The following KLC1 variants were observed in gnomAD, a reference collection of about 807,000 sequenced individuals.
KLC1 encodes kinesin 2 60/70kDa.
In KLC1, 30 loss-of-function variants were observed where a neutral mutation model predicts 84.2. That is an observed-to-expected ratio of 0.36 (90% CI 0.27 to 0.48). KLC1 has a LOEUF of 0.48. KLC1 is among the 20% of genes least tolerant of loss of function. The probability of loss-of-function intolerance (pLI) is 0.99; values close to 1 mark genes in which losing one functional copy is unlikely to be tolerated. For missense variants in KLC1, 499 were observed against 805.4 expected (o/e 0.62, Z 4.60); for synonymous variants, 289 against 293.3 (o/e 0.99, Z 0.15).
chr14:103,640,510 G>C (rs1239407067), intron 1 of KLC1, among the ~76,000 whole-genome samples: 1 of 152,000 alleles, frequency 6.6e-6, no homozygotes, highest in Non-Finnish European at 1.5e-5. Flanking sequence ...ACAGGCGCCC[G>C]CCACCACGCC....
intron 13 of KLC1, among the ~76,000 whole-genome samples, chr14:103,680,422 G>A (rs748141890): frequency 2.0e-5 from 3 of 152,142 alleles, no homozygotes; most frequent in Non-Finnish European, 4.4e-5. Context: ...TAATTCTACA[G>A]ATGTTCTGCC....
At chr14:103,664,023 C>T (rs4900587) in intron 5 of KLC1, among the ~76,000 whole-genome samples, 34,148 of 152,094 alleles carry the variant, frequency 0.22, 4,206 homozygotes, top group East Asian at 0.49. Context: ...AAAATGAGGC[C>T]GTTCCCTTTG....
At chr14:103,656,137 C>T (rs543144546) in intron 2 of KLC1, among the ~76,000 whole-genome samples, 1 of 152,142 alleles carries the variant, frequency 6.6e-6, no homozygotes, top group Non-Finnish European at 1.5e-5. Context: ...GGACGTGCCT[C>T]CTTCCTTGAA....
At chr14:103,682,151 A>C (rs962465686) in intron 13 of KLC1, among the ~76,000 whole-genome samples, 1 of 152,062 alleles carries the variant, frequency 6.6e-6, no homozygotes, top group Non-Finnish European at 1.5e-5. Flanking sequence ...CGGGCAGATC[A>C]CGAGGTCAGG....
chr14:103,642,044 C>T (rs2077532444), intron 1 of KLC1, among the ~76,000 whole-genome samples: 1 of 152,128 alleles, frequency 6.6e-6, no homozygotes, highest in Non-Finnish European at 1.5e-5. Context: ...TATTCTCCTG[C>T]CTCAGCCTCC....
chr14:103,649,655 A>G (rs1472960756), intron 1 of KLC1, among the ~76,000 whole-genome samples: 1 of 151,328 alleles, frequency 6.6e-6, no homozygotes, highest in African/African-American at 2.4e-5. Context: ...CCTGTTGAAC[A>G]ATAGCCTTAA....
chr14:103,632,492 G>A (rs1273666112), intron 1 of KLC1, among the ~76,000 whole-genome samples: 3 of 152,002 alleles, frequency 2.0e-5, no homozygotes, highest in African/African-American at 4.8e-5. Flanking sequence ...AAGATGGACC[G>A]ATCACCTGAG....
chr14:103,629,794 G>C (rs1045407655), intron 1 of KLC1, among the ~76,000 whole-genome samples: 1 of 152,014 alleles, frequency 6.6e-6, no homozygotes, highest in African/African-American at 2.4e-5. Flanking sequence ...TCCGGTCCCC[G>C]GCCCTGCCCA....
At chr14:103,670,100 A>G (rs1002722969) in intron 6 of KLC1, 82 bp from the exon 7 acceptor site, 15 of 938,706 alleles carry the variant, frequency 1.6e-5, no homozygotes, top group Non-Finnish European at 2.4e-5. Flanking sequence ...TATAGATTGA[A>G]TATAAATGAA....
At chr14:103,635,714 C>T (rs1378238803) in intron 1 of KLC1, among the ~76,000 whole-genome samples, 2 of 151,434 alleles carry the variant, frequency 1.3e-5, no homozygotes, top group Non-Finnish European at 2.9e-5. Flanking sequence ...GATCGAGCCA[C>T]GGCACTCCAG....
At chr14:103,657,236 A>G (rs765170173) in intron 2 of KLC1, among the ~76,000 whole-genome samples, 2 of 152,148 alleles carry the variant, frequency 1.3e-5, no homozygotes, top group African/African-American at 2.4e-5. Context: ...ATCTTGATAG[A>G]AAGTAAAATA....
At chr14:103,646,967 G>A (rs942552104) in intron 1 of KLC1, among the ~76,000 whole-genome samples, 4 of 152,096 alleles carry the variant, frequency 2.6e-5, no homozygotes, top group African/African-American at 9.7e-5. Context: ...TAGAGGTAAA[G>A]CAACTGAATA....
At chr14:103,666,313 T>C (rs541410946) in intron 5 of KLC1, among the ~76,000 whole-genome samples, 3 of 152,306 alleles carry the variant, frequency 2.0e-5, no homozygotes, top group South Asian at 4.1e-4. Flanking sequence ...TCCACCCGCC[T>C]TGGCCTCCCA....
intron 3 of KLC1, among the ~76,000 whole-genome samples, chr14:103,659,577 G>T (rs1370213449): frequency 6.6e-6 from 1 of 152,190 alleles, no homozygotes; most frequent in African/African-American, 2.4e-5. Flanking sequence ...ACCTAGTCCA[G>T]TGTTCCACAT....
At chr14:103,652,416 T>C (rs2078523490) in intron 1 of KLC1, among the ~76,000 whole-genome samples, 1 of 152,112 alleles carries the variant, frequency 6.6e-6, no homozygotes, top group Non-Finnish European at 1.5e-5. Flanking sequence ...ACCATGGATT[T>C]GCTACAGTGA....
intron 5 of KLC1, among the ~76,000 whole-genome samples, chr14:103,666,230 AT>A (rs1265502538): frequency 2.0e-5 from 3 of 151,614 alleles, no homozygotes; most frequent in African/African-American, 4.9e-5. Context: ...CGCCCGGCTA[AT>A]TTTTTGTATT....
chr14:103,693,659 C>T lies in KLC1; in HGVS notation c.1848+1234C>T, dbSNP rs2082248014. 6.5e-7 allele frequency: 1 copy of T among 1,530,620 alleles called. No homozygotes were observed. The highest frequency in any genetic ancestry group is 1.4e-5 in the African/African-American group (1 of 73,000). The allele number at this position is 1,530,620 out of a possible 1,614,324, so 94.8% of individuals were successfully genotyped here. ...GGTAACCTGTCTTGGGAGTGTGAGACCGCCCCGCCCTGCCACGCCCCTCAC... is the reference window on the plus strand; with the variant it reads ...GGTAACCTGTCTTGGGAGTGTGAGATCGCCCCGCCCTGCCACGCCCCTCAC... On this transcript the variant is annotated intron_variant, in intron 15 of 16. Transcript: ENST00000334553. The surrounding 1 kb of genome is among the most constrained non-coding windows in gnomAD (Gnocchi z 5.1).
Position 103,654,695 on chromosome 14 carries a change from C to G in KLC1, c.131C>G (p.Ser44Cys). 1 of 1,614,126 alleles carries G rather than the reference C, an allele frequency of 6.2e-7. No individual in the cohort carries two copies. The highest frequency in any genetic ancestry group is 1.3e-5 in the African/African-American group (1 of 75,010). The change falls in exon 2 of 17, where the codon TCC (serine) becomes TGC (cysteine). Residue 44 changes from serine to cysteine, a missense_variant. Transcript: ENST00000334553. ...GAAGCTTTGAAGAATGAGCACAATT[C>G]CATTTTACAAAGTTTGCTGGAGACA... ...GLEALKNEHN[S>C]ILQSLLETLK...
At chr14:103,670,391 C>T (rs1336752167) in intron 7 of KLC1, 108 bp downstream of exon 7, 10 of 674,886 alleles carry the variant, frequency 1.5e-5, no homozygotes, top group Non-Finnish European at 1.9e-5. Flanking sequence ...GGCTGGAGTG[C>T]GGTGGCGTGA....
Sources: gnomAD v4.1 joint callset for allele counts (sites outside exome capture counted in the v4.1 genomes callset) on GRCh38, gnomAD v4.1.1 for gene constraint, Gnocchi (gnomAD v3.1) non-coding constraint, MANE v1.5 for transcripts, NCBI Gene and HGNC (gene_info 2026-07-23, HGNC 2026-07-21) for gene names.